Variants in GRIK2 observed in about 807,000 individuals in gnomAD.
GRIK2 encodes glutamate receptor ionotropic, kainate 2.
In GRIK2, 32 loss-of-function variants were observed where a neutral mutation model predicts 100.3. The ratio of observed to expected loss-of-function variants is 0.32; its 90% CI spans 0.24 to 0.43. The LOEUF (loss-of-function observed/expected upper bound fraction) is 0.43, where lower values mean the gene tolerates loss of function less well. GRIK2 is among the 20% of genes least tolerant of loss of function. GRIK2 has a pLI of 1.00. For missense variants in GRIK2, 843 were observed against 1,114.9 expected, an observed-to-expected ratio of 0.76 and a Z score of 3.47; for synonymous variants, 417 against 389.4, an observed-to-expected ratio of 1.07 and a Z score of -0.83.
At chr6:101,743,209 G>A (rs938033026) in intron 7 of GRIK2, among the ~76,000 whole-genome samples, 47 of 152,146 alleles carry the variant, frequency 3.1e-4, no homozygotes, top group African/African-American at 1.0e-3. Context: ...AGCTGACCAA[G>A]TTCCTGAAAA....
chr6:101,895,832 C>T (rs2128459617), intron 12 of GRIK2, among the ~76,000 whole-genome samples: 1 of 151,738 alleles, frequency 6.6e-6, no homozygotes, highest in African/African-American at 2.4e-5. Context: ...ATTCTTCACA[C>T]TTAGCAATTT....
rs538559712 is a variant in GRIK2 at position 101,784,752 on chromosome 6, A to G, written c.952-14896A>G. On this transcript the variant is annotated intron_variant, in intron 7 of 16. Coordinates refer to ENST00000369134, the MANE Select transcript of GRIK2 (RefSeq NM_021956.5). The stretch of plus-strand genomic sequence containing the variant: ...ATCCCTCTCTCTCTCTCCTGCTACC[A>G]TGTAAGACATACCTTTCTTCCCCTT... Among the ~76,000 whole-genome samples the G allele has an allele frequency of 4.4e-4, 67 of 152,226 alleles. 1 individual carries two copies. The highest frequency in any genetic ancestry group is 1.6e-3 in the African/African-American group (65 of 41,536).
At chr6:101,735,243 T>C (rs1287335403) in intron 7 of GRIK2, among the ~76,000 whole-genome samples, 1 of 152,152 alleles carries the variant, frequency 6.6e-6, no homozygotes, top group Non-Finnish European at 1.5e-5. Context: ...AAGGATCTGA[T>C]GAAAAGGCAC....
chr6:101,649,880 G>A (rs905379984), intron 4 of GRIK2, among the ~76,000 whole-genome samples: 59 of 152,064 alleles, frequency 3.9e-4, no homozygotes, highest in African/African-American at 1.4e-3. Flanking sequence ...AGTGGGTGGA[G>A]TTTGGTACCA....
chr6:101,972,420 T>C (rs1793108180), intron 14 of GRIK2, among the ~76,000 whole-genome samples: 1 of 152,054 alleles, frequency 6.6e-6, no homozygotes, highest in Non-Finnish European at 1.5e-5. Context: ...TATCGGTTCA[T>C]GTCCTTTGCC....
In GRIK2 at chr6:101,568,583, G is replaced by C. The variant is rs115677851; in HGVS notation, c.116-53366G>C. ...ATCTTAGAATTGCATCTGGTTATAA[G>C]AGGATGAATAATAAATGTAATTTGA... On this transcript the variant is annotated intron_variant, in intron 2 of 16. Transcript: ENST00000369134. 1.5e-3 allele frequency among the ~76,000 whole-genome samples: 225 copies of C among 152,138 alleles called. 1 individual carries two copies. Among genetic ancestry groups the C allele is most frequent in the African/African-American group, 5.3e-3 (220 of 41,552 alleles).
chr6:101,552,842 A>G (rs527263356), intron 2 of GRIK2, among the ~76,000 whole-genome samples: 6 of 152,282 alleles, frequency 3.9e-5, no homozygotes, highest in Admixed American at 6.5e-5. Context: ...TTACTGTTTC[A>G]TTGGTTTTTA....
At chr6:101,406,478 A>G (rs1194861389) in intron 2 of GRIK2, among the ~76,000 whole-genome samples, 1 of 152,148 alleles carries the variant, frequency 6.6e-6, no homozygotes, top group Non-Finnish European at 1.5e-5. Flanking sequence ...TGATACATAT[A>G]CTTCTATCAG....
At chr6:101,473,188 C>T (rs567026467) in intron 2 of GRIK2, among the ~76,000 whole-genome samples, 5 of 146,962 alleles carry the variant, frequency 3.4e-5, no homozygotes, top group South Asian at 4.4e-4. Flanking sequence ...TTCCCTCCCT[C>T]GCTCCTTCCT....
chr6:101,744,546 A>G (rs1374211408), intron 7 of GRIK2: 1 of 110,214 alleles, frequency 9.1e-6, no homozygotes, highest in African/African-American at 3.4e-5. Flanking sequence ...ATATATATAT[A>G]TATATATATA....
chr6:101,976,386 A>G (rs1793379294), intron 14 of GRIK2, among the ~76,000 whole-genome samples: 1 of 151,956 alleles, frequency 6.6e-6, no homozygotes, highest in Non-Finnish European at 1.5e-5. Flanking sequence ...GGTTACTGGA[A>G]AAAAAGGGCA....
chr6:102,038,058 T>C (rs1401387312), intron 15 of GRIK2, among the ~76,000 whole-genome samples: 1 of 151,430 alleles, frequency 6.6e-6, no homozygotes, highest in Non-Finnish European at 1.5e-5. Context: ...TAACTTGAAA[T>C]TTATGGCCTC....
At chr6:101,835,363 GA>G (rs1782999564) in intron 10 of GRIK2, among the ~76,000 whole-genome samples, 1 of 150,590 alleles carries the variant, frequency 6.6e-6, no homozygotes, top group Admixed American at 6.6e-5. Context: ...AAATTTATTT[GA>G]CAGTTTTCTA....
At chr6:101,551,405 T>C (rs1776502476) in intron 2 of GRIK2, among the ~76,000 whole-genome samples, 1 of 152,134 alleles carries the variant, frequency 6.6e-6, no homozygotes, top group Non-Finnish European at 1.5e-5. Flanking sequence ...CTATTCATTT[T>C]ATCACTATCC....
intron 7 of GRIK2, among the ~76,000 whole-genome samples, chr6:101,697,234 CAT>C (rs1371033408): frequency 1.3e-5 from 2 of 151,900 alleles, no homozygotes; most frequent in Non-Finnish European, 2.9e-5. Context: ...TGACTTATAA[CAT>C]AGAATTTGAC....
chr6:102,047,408 G>A (rs1390318267), intron 15 of GRIK2, among the ~76,000 whole-genome samples: 2 of 152,086 alleles, frequency 1.3e-5, no homozygotes, highest in East Asian at 3.9e-4. Context: ...GACACAATAA[G>A]TAGAAAGATA....
At chr6:101,987,328 C>T (rs1257736613) in intron 14 of GRIK2, among the ~76,000 whole-genome samples, 1 of 151,710 alleles carries the variant, frequency 6.6e-6, no homozygotes, top group Non-Finnish European at 1.5e-5. Flanking sequence ...CAAATAAATT[C>T]TAATAGTATG....
At chr6:101,761,258 G>T (rs1777642309) in intron 7 of GRIK2, among the ~76,000 whole-genome samples, 1 of 152,166 alleles carries the variant, frequency 6.6e-6, no homozygotes, top group Admixed American at 6.5e-5. Context: ...GGTGGCCTTT[G>T]TGGTATGTCT....
chr6:101,928,677 A>G, intron 14 of GRIK2, 45 bp downstream of exon 14: 1 of 929,440 alleles, frequency 1.1e-6, no homozygotes, highest in Non-Finnish European at 1.8e-6. Context: ...AAAATGATAG[A>G]GCGCAAACTT....
Sources: allele counts gnomAD v4.1 joint callset (sites outside exome capture counted in the v4.1 genomes callset), GRCh38; gene constraint gnomAD v4.1.1; transcripts MANE v1.5; gene names NCBI Gene and HGNC (gene_info 2026-07-23, HGNC 2026-07-21).